CSMD1: variants seen among roughly 807,000 people sequenced by gnomAD.
The protein encoded by CSMD1 is CUB and sushi domain-containing protein 1.
A neutral mutation model predicts 417.5 loss-of-function variants in CSMD1; 213 were observed. The ratio of observed to expected loss-of-function variants is 0.51; its 90% CI spans 0.46 to 0.57. The LOEUF (loss-of-function observed/expected upper bound fraction) is 0.57. CSMD1 is among the 20% of genes least tolerant of loss of function. The probability of loss-of-function intolerance (pLI) is 0.00; values close to 1 mark genes in which losing one functional copy is unlikely to be tolerated. For synonymous variants in CSMD1, 2,862 were observed against 1,736.8 expected (o/e 1.65, Z -16.11); for missense variants, 6,923 against 4,529.7 (o/e 1.53, Z -15.17).
chr8:4,537,714 T>G (rs1266033557), intron 2 of CSMD1, among the ~76,000 whole-genome samples: 1 of 152,142 alleles, frequency 6.6e-6, no homozygotes, highest in Non-Finnish European at 1.5e-5. Flanking sequence ...AAAGCATGGC[T>G]TCCCCCAGCG....
At chr8:4,635,282 T>A (rs991489897) in intron 2 of CSMD1, among the ~76,000 whole-genome samples, 3 of 152,192 alleles carry the variant, frequency 2.0e-5, no homozygotes, top group Middle Eastern at 3.2e-3. Flanking sequence ...TACTGTTCAC[T>A]CAAACTCCAA....
intron 8 of CSMD1, among the ~76,000 whole-genome samples, chr8:3,608,973 C>G (rs2117122976): frequency 6.6e-6 from 1 of 152,248 alleles, no homozygotes; most frequent in African/African-American, 2.4e-5. Context: ...ACCTTGACTC[C>G]TCATTGGCTA....
chr8:4,348,663 G>C (rs1317114468), intron 3 of CSMD1, among the ~76,000 whole-genome samples: 1 of 150,494 alleles, frequency 6.6e-6, no homozygotes, highest in Non-Finnish European at 1.5e-5. Flanking sequence ...GAGAGAGAGA[G>C]AGAGAGACTC....
chr8:4,764,586 T>C (rs923375497), intron 1 of CSMD1, among the ~76,000 whole-genome samples: 4 of 152,046 alleles, frequency 2.6e-5, no homozygotes, highest in Non-Finnish European at 5.9e-5. Context: ...CAATTTAAAC[T>C]ACTGTTTTCT....
chr8:3,979,667 G>A (rs1318831909), intron 5 of CSMD1, among the ~76,000 whole-genome samples: 1 of 152,202 alleles, frequency 6.6e-6, no homozygotes, highest in African/African-American at 2.4e-5. Flanking sequence ...GACGCTGAAA[G>A]CAGGTGCCAT....
intron 2 of CSMD1, among the ~76,000 whole-genome samples, chr8:4,603,883 A>C (rs1800726298): frequency 6.6e-6 from 1 of 152,130 alleles, no homozygotes; most frequent in Non-Finnish European, 1.5e-5. Flanking sequence ...TAATGATTTT[A>C]ATTTTATAAG....
At chr8:4,099,471 C>A (rs1450609674) in intron 3 of CSMD1, among the ~76,000 whole-genome samples, 2 of 152,150 alleles carry the variant, frequency 1.3e-5, no homozygotes, top group Non-Finnish European at 2.9e-5. Context: ...CAACAATCAT[C>A]TTCCACAGTG....
At position 3,745,630 on chromosome 8, in the gene CSMD1, T is replaced by G. The variant is rs1161490245; in HGVS notation, c.931+8300A>C. On this transcript the variant is annotated intron_variant, in intron 6 of 69. Transcript: ENST00000635120. Reference sequence around the variant, plus strand: ...TTCATTCTGAGCACTCCACTGAGACTCTGAAGCATTTGTCTTTTCACAAGG... The same window carrying G: ...TTCATTCTGAGCACTCCACTGAGACGCTGAAGCATTTGTCTTTTCACAAGG... 3.9e-5 allele frequency among the ~76,000 whole-genome samples: 6 copies of G among 152,186 alleles called. No homozygotes were observed. The South Asian group carries it at 6.2e-4, about 16-fold the overall frequency.
intron 3 of CSMD1, among the ~76,000 whole-genome samples, chr8:4,216,296 G>C (rs1800663802): frequency 2.0e-5 from 3 of 151,980 alleles, no homozygotes; most frequent in Non-Finnish European, 4.4e-5. Flanking sequence ...TGGTTGCCTA[G>C]TCAATTCTAT....
chr8:4,993,048 G>C (rs1425976202), intron 1 of CSMD1, among the ~76,000 whole-genome samples: 1 of 152,234 alleles, frequency 6.6e-6, no homozygotes, highest in Non-Finnish European at 1.5e-5. Flanking sequence ...GGCAGATCTG[G>C]AGTTTCCTAA....
Position 4,028,098 on chromosome 8 carries a change from A to G in CSMD1, c.610+3807T>C, listed in dbSNP as rs565982289. On this transcript the variant is annotated intron_variant, in intron 4 of 69. Transcript: ENST00000635120. ...AAGATGAAAAGTAATTAATAAGAAA[A>G]AAATGAAAATGGACATAATAAACTT... is the stretch of plus-strand genomic sequence containing the variant. Among the ~76,000 whole-genome samples, 3 of 152,324 alleles carry G rather than the reference A, an allele frequency of 2.0e-5. No homozygotes were observed. In the South Asian group the frequency reaches 6.2e-4, roughly 32 times the overall value.
intron 5 of CSMD1, among the ~76,000 whole-genome samples, chr8:3,883,605 T>TTTGATATCAATTAATATCAATTATTAAAA: frequency 6.6e-6 from 1 of 152,176 alleles, no homozygotes; most frequent in Non-Finnish European, 1.5e-5. Context: ...TTATTATTTA[T>TTTGATATCAATTAATATCAATTATTAAAA]TTGATATCAA....
chr8:2,950,213 C>G lies in CSMD1; in HGVS notation c.10314+18G>C, dbSNP rs770656370. On this transcript the variant is annotated intron_variant, in intron 67 of 69. Transcript: ENST00000635120. ...TAGAAAGCCTGTGCTTTGTCACAGA[C>G]CTTACACATGTACTTACATAACCAT... is the stretch of plus-strand genomic sequence containing the variant. The G allele has an allele frequency of 6.8e-7, 1 of 1,461,558 alleles. No individual in the cohort carries two copies. The highest frequency in any genetic ancestry group is 1.4e-5 in the African/African-American group (1 of 71,670). 90.5% of individuals were successfully genotyped at this position (1,461,558 alleles called of 1,614,324 possible).
At chr8:4,195,903 G>A (rs768162728) in intron 3 of CSMD1, among the ~76,000 whole-genome samples, 2 of 151,974 alleles carry the variant, frequency 1.3e-5, no homozygotes, top group Non-Finnish European at 2.9e-5. Context: ...GTCCCACCCC[G>A]AGAAAACTAT....
intron 1 of CSMD1, among the ~76,000 whole-genome samples, chr8:4,978,815 G>A (rs1198098004): frequency 3.3e-5 from 5 of 152,164 alleles, no homozygotes; most frequent in African/African-American, 4.8e-5. Flanking sequence ...GCAGGTGCCT[G>A]TAATCCCAGC....
intron 2 of CSMD1, among the ~76,000 whole-genome samples, chr8:4,533,303 G>T (rs763943454): frequency 6.6e-6 from 1 of 152,164 alleles, no homozygotes; most frequent in Admixed American, 6.5e-5. Context: ...AAGCCAAGTT[G>T]TCATGACACA....
At chr8:3,968,575 A>C (rs1031251856) in intron 5 of CSMD1, among the ~76,000 whole-genome samples, 1 of 152,200 alleles carries the variant, frequency 6.6e-6, no homozygotes, top group Non-Finnish European at 1.5e-5. Context: ...AACCAAGAGA[A>C]CAGGTGTATT....
At chr8:2,964,859 C>T (rs2128928128) in intron 59 of CSMD1, among the ~76,000 whole-genome samples, 1 of 152,266 alleles carries the variant, frequency 6.6e-6, no homozygotes, top group Non-Finnish European at 1.5e-5. Context: ...CACATTTAAG[C>T]CTCTGCCACA....
At chr8:4,311,784 G>A (rs937333294) in intron 3 of CSMD1, among the ~76,000 whole-genome samples, 5 of 151,308 alleles carry the variant, frequency 3.3e-5, no homozygotes, top group Non-Finnish European at 5.9e-5. Flanking sequence ...AACACATAGA[G>A]GGGAACAACA....
Sources: gnomAD v4.1 joint callset for allele counts (sites outside exome capture counted in the v4.1 genomes callset) on GRCh38, gnomAD v4.1.1 for gene constraint, MANE v1.5 for transcripts, NCBI Gene and HGNC (gene_info 2026-07-23, HGNC 2026-07-21) for gene names.